Variants in CNTNAP2 observed in about 807,000 individuals in gnomAD.
CNTNAP2 encodes the protein contactin associated protein 2.
Under a neutral mutation model 155.2 loss-of-function variants are expected in CNTNAP2, and 98 were observed. That is an observed-to-expected ratio of 0.63 (90% confidence interval 0.54 to 0.75). CNTNAP2 has a LOEUF of 0.75. CNTNAP2 is among the 30% of genes least tolerant of loss of function. The probability of loss-of-function intolerance (pLI) is 0.00; values close to 1 mark genes in which losing one functional copy is unlikely to be tolerated. For missense variants in CNTNAP2, 1,727 were observed against 1,688.1 expected, an observed-to-expected ratio of 1.02 and a Z score of -0.40; for synonymous variants, 651 against 631.2, an observed-to-expected ratio of 1.03 and a Z score of -0.47.
At chr7:146,765,853 TAGAG>T (rs1356315405) in intron 1 of CNTNAP2, among the ~76,000 whole-genome samples, 3 of 151,996 alleles carry the variant, frequency 2.0e-5, no homozygotes, top group African/African-American at 7.2e-5. Context: ...TTAAACCTGG[TAGAG>T]AGAATTTTAG....
intron 8 of CNTNAP2, among the ~76,000 whole-genome samples, chr7:147,213,613 A>C (rs1584796553): frequency 1.3e-5 from 2 of 151,934 alleles, no homozygotes; most frequent in African/African-American, 4.8e-5. Flanking sequence ...TTCTTCAGAG[A>C]GATAGAATCA....
At chr7:146,429,746 A>G (rs1369286401) in intron 1 of CNTNAP2, among the ~76,000 whole-genome samples, 1 of 152,196 alleles carries the variant, frequency 6.6e-6, no homozygotes, top group Non-Finnish European at 1.5e-5. Context: ...TGTTCTGGAC[A>G]GAACTTCCAA....
chr7:146,487,623 T>C (rs551093806), intron 1 of CNTNAP2, among the ~76,000 whole-genome samples: 8 of 152,228 alleles, frequency 5.3e-5, no homozygotes, highest in African/African-American at 1.9e-4. Flanking sequence ...AAAATGAACA[T>C]GAGATAGTTG....
intron 19 of CNTNAP2, among the ~76,000 whole-genome samples, chr7:148,219,589 CA>C (rs1795707008): frequency 6.6e-6 from 1 of 151,996 alleles, no homozygotes; most frequent in Admixed American, 6.6e-5. Flanking sequence ...CTCAGCTGCT[CA>C]AAAGGCTGAG....
chr7:148,331,769 G>A lies in CNTNAP2; in HGVS notation c.3476-51880G>A, dbSNP rs1371959502. ...GATGGAACGGACGGATGGATTGGAT[G>A]GATGGAATGGACAGATGGAGTGGAT... On this transcript the variant is annotated intron_variant, in intron 21 of 23. Coordinates refer to ENST00000361727, the MANE Select transcript of CNTNAP2 (RefSeq NM_014141.6). 2.9e-3 allele frequency among the ~76,000 whole-genome samples: 256 copies of A among 89,206 alleles called. 36 individuals are homozygous for A. The highest frequency in any genetic ancestry group is 9.8e-3 in the African/African-American group (228 of 23,346). 58.5% of individuals were successfully genotyped at this position (89,206 alleles called of 152,430 possible).
chr7:146,540,819 A>C (rs530595983), intron 1 of CNTNAP2, among the ~76,000 whole-genome samples: 1 of 152,094 alleles, frequency 6.6e-6, no homozygotes, highest in Admixed American at 6.6e-5. Context: ...ATGTTAACTA[A>C]ATTTTTGAGG....
At chr7:147,190,108 C>A (rs1167431397) in intron 8 of CNTNAP2, among the ~76,000 whole-genome samples, 1 of 152,072 alleles carries the variant, frequency 6.6e-6, no homozygotes, top group African/African-American at 2.4e-5. Flanking sequence ...TATATTCAGT[C>A]CATTGTCTGG....
At chr7:147,449,454 G>A (rs1244695779) in intron 10 of CNTNAP2, among the ~76,000 whole-genome samples, 1 of 152,008 alleles carries the variant, frequency 6.6e-6, no homozygotes, top group Non-Finnish European at 1.5e-5. Context: ...TGACTATAAT[G>A]GTTATCCTGG....
intron 1 of CNTNAP2, among the ~76,000 whole-genome samples, chr7:146,340,672 A>T (rs1315596208): frequency 6.6e-6 from 1 of 152,190 alleles, no homozygotes; most frequent in African/African-American, 2.4e-5. Context: ...TAAAATTGCC[A>T]TGATCATGCC....
At chr7:148,382,247 C>T (rs1158309771) in intron 21 of CNTNAP2, among the ~76,000 whole-genome samples, 1 of 152,220 alleles carries the variant, frequency 6.6e-6, no homozygotes, top group Non-Finnish European at 1.5e-5. Flanking sequence ...TCTGCTGCCA[C>T]CCGTGGTTTC....
At chr7:146,725,675 G>A (rs1444571941) in intron 1 of CNTNAP2, among the ~76,000 whole-genome samples, 1 of 151,968 alleles carries the variant, frequency 6.6e-6, no homozygotes, top group Non-Finnish European at 1.5e-5. Flanking sequence ...GTCTTTTCAG[G>A]TTTTTTTGCA....
At chr7:146,636,695 C>T (rs1360766308) in intron 1 of CNTNAP2, among the ~76,000 whole-genome samples, 1 of 152,160 alleles carries the variant, frequency 6.6e-6, no homozygotes, top group Admixed American at 6.6e-5. Flanking sequence ...GAGAGCATTT[C>T]GTTTCTAGGT....
chr7:147,749,804 T>C (rs576184667), intron 13 of CNTNAP2, among the ~76,000 whole-genome samples: 4 of 152,198 alleles, frequency 2.6e-5, no homozygotes, highest in Non-Finnish European at 5.9e-5. Context: ...ACACTCATTG[T>C]TGAGGATGTA....
chr7:146,224,557 C>A (rs1799260771), intron 1 of CNTNAP2, among the ~76,000 whole-genome samples: 1 of 149,052 alleles, frequency 6.7e-6, no homozygotes, highest in African/African-American at 2.5e-5. Flanking sequence ...ACTATCCTGG[C>A]TAACACGGGG....
At chr7:146,771,640 A>G (rs1301542778) in intron 1 of CNTNAP2, among the ~76,000 whole-genome samples, 4 of 152,230 alleles carry the variant, frequency 2.6e-5, no homozygotes, top group Admixed American at 2.6e-4. Context: ...AGAGGCACGC[A>G]GTATAACTAA....
At chr7:147,219,175 C>T (rs902456363) in intron 8 of CNTNAP2, among the ~76,000 whole-genome samples, 3 of 152,042 alleles carry the variant, frequency 2.0e-5, no homozygotes, top group African/African-American at 7.2e-5. Context: ...GAACTCACTC[C>T]CTGTATTAGT....
intron 13 of CNTNAP2, among the ~76,000 whole-genome samples, chr7:147,837,469 C>T (rs563570837): frequency 4.5e-4 from 68 of 152,152 alleles, no homozygotes; most frequent in African/African-American, 1.6e-3. Context: ...TATCATTCTG[C>T]CCCAGCCCCT....
rs73164388 is a variant in CNTNAP2, at chr7:147,619,508, G to A, written c.1898-19598G>A. On this transcript the variant is annotated intron_variant, in intron 12 of 23. Transcript: ENST00000361727. ...TTCATCACAAACTGACTTGAGAGCC[G>A]TGGGCCTTAAGGGAATATTGGAGAT... 2.1e-3 allele frequency among the ~76,000 whole-genome samples: 325 copies of A among 152,310 alleles called. 1 individual carries two copies. Among genetic ancestry groups the A allele is most frequent in the Middle Eastern group, 6.8e-3 (2 of 294 alleles).
intron 3 of CNTNAP2, among the ~76,000 whole-genome samples, chr7:146,882,166 T>C (rs1240565983): frequency 1.3e-5 from 2 of 152,142 alleles, no homozygotes; most frequent in African/African-American, 4.8e-5. Context: ...CTATATAGTA[T>C]TTTAGTGGTG....
Sources: gnomAD v4.1 joint callset for allele counts (sites outside exome capture counted in the v4.1 genomes callset) on GRCh38, gnomAD v4.1.1 for gene constraint, MANE v1.5 for transcripts, NCBI Gene and HGNC (gene_info 2026-07-23, HGNC 2026-07-21) for gene names.